Variants in ZNF638 observed in about 807,000 individuals in gnomAD.
ZNF638 encodes CTCL tumor antigen se33-1.
Under a neutral mutation model 195.6 loss-of-function variants are expected in ZNF638, and 46 were observed. The observed-to-expected ratio is 0.24, with a 90% CI of 0.19 to 0.30. The LOEUF is 0.30. ZNF638 is among the 10% of genes least tolerant of loss of function. The pLI is 1.00. For synonymous variants in ZNF638, 845 were observed against 772.0 expected (o/e 1.09, Z -1.57); for missense variants, 2,440 against 2,325.3 (o/e 1.05, Z -1.01).
In ZNF638 at chr2:71,365,599, T is replaced by G. The variant is rs1294528215; in HGVS notation, c.1888T>G (p.Ser630Ala). ...VKPTSATKSD[S>A]NLGGHSIRCK... ...ACCTACAAGCGCTACAAAGAGTGAT[T>G]CAAATCTAGGAGGACATTCTATTCG... Residue 630 changes from serine to alanine, a missense_variant, in exon 6 of 28, where the codon TCA becomes GCA. By Grantham distance (99) the Ser-to-Ala change is moderately conservative. Coordinates refer to ENST00000264447, the MANE Select transcript of ZNF638 (RefSeq NM_014497.5). 6.2e-7 allele frequency: 1 copy of G among 1,614,136 alleles called. No individual in the cohort carries two copies. Among genetic ancestry groups the G allele is most frequent in the Non-Finnish European group, 8.5e-7 (1 of 1,180,010 alleles).
chr2:71,408,637 T>C, intron 20 of ZNF638: 4 of 334,798 alleles, frequency 1.2e-5, no homozygotes, highest in South Asian at 1.0e-4. Flanking sequence ...TAAACTGTTT[T>C]TGTGTTAAGA....
intron 8 of ZNF638, among the ~76,000 whole-genome samples, chr2:71,379,115 G>A (rs985130801): frequency 6.6e-6 from 1 of 152,152 alleles, no homozygotes; most frequent in African/African-American, 2.4e-5. Context: ...ATTACGAGGC[G>A]ATTGTAGTAA....
At chr2:71,378,619 C>T (rs894246821) in intron 8 of ZNF638, among the ~76,000 whole-genome samples, 4 of 151,992 alleles carry the variant, frequency 2.6e-5, no homozygotes, top group Non-Finnish European at 5.9e-5. Context: ...GTTAAAAATG[C>T]ATATGTATTA....
At chr2:71,431,540 A>T in intron 26 of ZNF638, 112 bp downstream of exon 26, 1 of 817,104 alleles carries the variant, frequency 1.2e-6, no homozygotes, top group Non-Finnish European at 2.0e-6. Context: ...CGGGTGGATC[A>T]CTAGGTCAGG....
intron 1 of ZNF638, among the ~76,000 whole-genome samples, chr2:71,333,803 A>AT (rs1558822275): frequency 1.3e-5 from 2 of 151,868 alleles, no homozygotes; most frequent in Non-Finnish European, 2.9e-5. Flanking sequence ...CCTGCTTGGG[A>AT]TTTTTGTGAG....
In ZNF638 at chr2:71,349,763, G is replaced by T. The variant is rs779751842; in HGVS notation, c.809G>T (p.Arg270Leu). 3 of 1,613,966 alleles carry T rather than the reference G, an allele frequency of 1.9e-6. No homozygotes were observed. Among genetic ancestry groups the T allele is most frequent in the African/African-American group, 1.3e-5 (1 of 74,878 alleles). ...ATGTTTCCTGTTGAAGACGTATTTC[G>T]CCAAATGGACTTCCCCGGTGAGTCC... Reference protein sequence around the residue: ...NSMFPVEDVFRQMDFPGESSN... With the variant: ...NSMFPVEDVFLQMDFPGESSN... Residue 270 changes from arginine (R) to leucine (L), a missense_variant, in exon 2 of 28, where the codon CGC becomes CTC. Physicochemically the swap from Arg to Leu is moderately radical, Grantham distance 102. Coordinates refer to ENST00000264447, the MANE Select transcript of ZNF638 (RefSeq NM_014497.5).
chr2:71,426,526 C>T lies in ZNF638; in HGVS notation c.4657C>T (p.Pro1553Ser), dbSNP rs1015414894. The T allele has an allele frequency of 8.7e-6, 14 of 1,612,096 alleles. No homozygotes were observed. The highest frequency in any genetic ancestry group is 1.3e-5 in the African/African-American group (1 of 74,786). ...GGATGAGGTTATAGAAGAAGTGAAT[C>T]CTTCTCAGGCCAAGCAGAATCCACT... ...TVDEVIEEVN[P>S]SQAKQNPLKG... is the part of the protein sequence containing the mutation. The change falls in exon 24 of 28, where the codon CCT (proline) becomes TCT (serine). Residue 1553 changes from proline (P) to serine (S), a missense_variant. Physicochemically the swap from Pro to Ser is moderately conservative, Grantham distance 74. Coordinates refer to ENST00000264447, the MANE Select transcript of ZNF638 (RefSeq NM_014497.5).
At chr2:71,383,764 T>C (rs1558858303) in intron 10 of ZNF638, among the ~76,000 whole-genome samples, 1 of 33,418 alleles carries the variant, frequency 3.0e-5, no homozygotes, top group East Asian at 5.0e-3. Flanking sequence ...TTCTTTTTCT[T>C]TTTTTTTTTT....
intron 1 of ZNF638, among the ~76,000 whole-genome samples, chr2:71,336,352 C>T (rs901980078): frequency 2.0e-5 from 2 of 101,132 alleles, no homozygotes; most frequent in Admixed American, 1.5e-4. Flanking sequence ...ACCAGGGCAA[C>T]AAGAGTGAAA....
chr2:71,369,541 GC>G (rs2104298433), intron 7 of ZNF638, among the ~76,000 whole-genome samples: 1 of 152,200 alleles, frequency 6.6e-6, no homozygotes, highest in East Asian at 1.9e-4. Flanking sequence ...GTTGCAAGAA[GC>G]CTTTAAAATG....
chr2:71,396,055 C>A (rs778062125), intron 10 of ZNF638, 86 bp from the exon 11 acceptor site: 82 of 1,290,156 alleles, frequency 6.4e-5, no homozygotes, highest in South Asian at 1.9e-4. Flanking sequence ...AGGGTTCTTT[C>A]GAAATTATTG....
intron 20 of ZNF638, among the ~76,000 whole-genome samples, chr2:71,410,992 C>CCTTTTT (rs1553484599): frequency 8.2e-5 from 2 of 24,506 alleles, no homozygotes; most frequent in African/African-American, 1.5e-4. Context: ...CTCCCCCCCC[C>CCTTTTT]TTTTTTTTTT....
chr2:71,392,198 T>C (rs912357744), intron 10 of ZNF638, among the ~76,000 whole-genome samples: 2 of 152,236 alleles, frequency 1.3e-5, no homozygotes, highest in African/African-American at 4.8e-5. Flanking sequence ...ATATAAAATA[T>C]GCCCTTCCTG....
intron 20 of ZNF638, among the ~76,000 whole-genome samples, chr2:71,409,084 C>G (rs2080161247): frequency 6.6e-6 from 1 of 152,102 alleles, no homozygotes; most frequent in Admixed American, 6.5e-5. Context: ...TAAACACTGA[C>G]TGTACAGAAA....
At chr2:71,363,925 C>G (rs756921632) in intron 4 of ZNF638, 29 bp from the exon 5 acceptor site, 9 of 1,580,414 alleles carry the variant, frequency 5.7e-6, no homozygotes, top group Non-Finnish European at 7.7e-6. Context: ...AATTGCTGAT[C>G]ACTTTCTTTT....
intron 1 of ZNF638, among the ~76,000 whole-genome samples, chr2:71,347,364 G>A (rs886100676): frequency 6.6e-6 from 1 of 152,184 alleles, no homozygotes; most frequent in African/African-American, 2.4e-5. Flanking sequence ...GTGGCAGCAT[G>A]CAAAATGATT....
At chr2:71,356,995 G>A (rs1379097019) in intron 3 of ZNF638, among the ~76,000 whole-genome samples, 1 of 152,098 alleles carries the variant, frequency 6.6e-6, no homozygotes, top group East Asian at 1.9e-4. Context: ...ATAGCAAAAT[G>A]GACCCCACGG....
intron 6 of ZNF638, 94 bp from the exon 7 acceptor site, chr2:71,368,288 A>C: frequency 8.3e-7 from 1 of 1,210,112 alleles, no homozygotes; most frequent in South Asian, 1.7e-5. Flanking sequence ...TTAGTGTACT[A>C]ATATTAGTGG....
intron 6 of ZNF638, 92 bp from the exon 7 acceptor site, chr2:71,368,290 T>TA: frequency 8.1e-7 from 1 of 1,241,688 alleles, no homozygotes; most frequent in South Asian, 1.6e-5. Flanking sequence ...AGTGTACTAA[T>TA]ATTAGTGGTA....
Sources: allele counts gnomAD v4.1 joint callset (sites outside exome capture counted in the v4.1 genomes callset), GRCh38; gene constraint gnomAD v4.1.1; transcripts MANE v1.5; gene names NCBI Gene and HGNC (gene_info 2026-07-23, HGNC 2026-07-21).